Variants in APP observed in about 807,000 individuals in gnomAD.
APP encodes the protein amyloid-beta precursor protein.
APP carries 31 observed loss-of-function variants against 101.4 expected under a neutral mutation model. That is an observed-to-expected ratio of 0.31 (90% CI 0.23 to 0.41). The LOEUF (loss-of-function observed/expected upper bound fraction) is 0.41. Ranked by LOEUF, APP falls within the 10% of genes least tolerant of loss-of-function variation. APP has a pLI of 1.00. For missense variants in APP, 839 were observed against 1,003.7 expected (o/e 0.84, Z 2.22); for synonymous variants, 366 against 364.4 (o/e 1.00, Z -0.05).
chr21:26,122,563 C>T (rs527563350), intron 1 of APP, among the ~76,000 whole-genome samples: 1 of 152,034 alleles, frequency 6.6e-6, no homozygotes, highest in South Asian at 2.1e-4. Flanking sequence ...CAGTTCAGAG[C>T]ATTTTTCAAG....
intron 8 of APP, among the ~76,000 whole-genome samples, chr21:25,995,944 G>GT (rs147826650): frequency 0.15 from 21,653 of 145,060 alleles, 1,648 homozygotes; most frequent in East Asian, 0.28. Context: ...TGAGATGAGG[G>GT]TTTTTTTTTT....
At chr21:26,072,353 A>G (rs1180207169) in intron 3 of APP, among the ~76,000 whole-genome samples, 6 of 152,142 alleles carry the variant, frequency 3.9e-5, no homozygotes, top group Non-Finnish European at 8.8e-5. Flanking sequence ...ATTATTTCAC[A>G]TTCTCTTCTT....
At chr21:26,091,943 A>G (rs1488391569) in intron 2 of APP, among the ~76,000 whole-genome samples, 3 of 152,178 alleles carry the variant, frequency 2.0e-5, no homozygotes, top group African/African-American at 7.2e-5. Context: ...TAGACGATAC[A>G]CGGAATTTCA....
At chr21:26,107,783 T>C (rs188749661) in intron 2 of APP, among the ~76,000 whole-genome samples, 3 of 152,304 alleles carry the variant, frequency 2.0e-5, no homozygotes, top group Admixed American at 2.0e-4. Context: ...ACCATGTAGT[T>C]TTTAGATTGC....
At chr21:26,170,407 G>C (rs1043521072) in intron 1 of APP, among the ~76,000 whole-genome samples, 157 bp downstream of exon 1, 1 of 152,168 alleles carries the variant, frequency 6.6e-6, no homozygotes, top group Non-Finnish European at 1.5e-5. Context: ...GGCCGAAAGC[G>C]GGGATGCGCT....
intron 3 of APP, among the ~76,000 whole-genome samples, chr21:26,082,086 G>T (rs1030765997): frequency 4.7e-4 from 71 of 152,250 alleles, no homozygotes; most frequent in African/African-American, 1.6e-3. Flanking sequence ...GGGCGTGGTG[G>T]CGGGTGCCAG....
chr21:25,898,207 T>TA (rs1412989735), intron 15 of APP, among the ~76,000 whole-genome samples: 2 of 152,214 alleles, frequency 1.3e-5, no homozygotes, highest in African/African-American at 4.8e-5. Context: ...TATATAATTT[T>TA]AGTCAAGTGT....
At chr21:26,019,144 T>C (rs2830008) in intron 6 of APP, among the ~76,000 whole-genome samples, 31,625 of 152,214 alleles carry the variant, frequency 0.21, 3,413 homozygotes, top group South Asian at 0.27. Context: ...AATCTCTTTA[T>C]TGTCTCCTGG....
At chr21:26,030,446 A>G (rs1004861868) in intron 5 of APP, among the ~76,000 whole-genome samples, 3 of 152,238 alleles carry the variant, frequency 2.0e-5, no homozygotes, top group African/African-American at 7.2e-5. Flanking sequence ...TTAGAGACAT[A>G]TACTGACATC....
At chr21:26,046,201 A>T (rs2045602310) in intron 5 of APP, among the ~76,000 whole-genome samples, 1 of 151,856 alleles carries the variant, frequency 6.6e-6, no homozygotes, top group Non-Finnish European at 1.5e-5. Context: ...CAAACCAGAG[A>T]GTAACATTAA....
chr21:25,969,196 AC>A (rs1337590436), intron 11 of APP, among the ~76,000 whole-genome samples: 4 of 151,026 alleles, frequency 2.6e-5, no homozygotes, highest in Non-Finnish European at 3.0e-5. Context: ...AAAAAAAAAA[AC>A]ATTAGCCAGG....
At position 26,013,699 on chromosome 21, in the gene APP, T is replaced by C. The variant is rs184840167; in HGVS notation, c.865+8141A>G. Reference sequence around the variant, plus strand: ...TCTCACTATGTTGCCCAGGCTGGTGTCAAATGTGTATCTTTGTGAATATAC... The same window carrying C: ...TCTCACTATGTTGCCCAGGCTGGTGCCAAATGTGTATCTTTGTGAATATAC... On this transcript the variant is annotated intron_variant, in intron 6 of 17. Coordinates refer to ENST00000346798, the MANE Select transcript of APP (RefSeq NM_000484.4). Among the ~76,000 whole-genome samples the C allele has an allele frequency of 2.8e-3, 424 of 152,282 alleles. 2 individuals carry two copies. Among genetic ancestry groups the C allele is most frequent in the African/African-American group, 9.5e-3 (394 of 41,562 alleles).
intron 11 of APP, among the ~76,000 whole-genome samples, chr21:25,969,905 A>AGGGGAGGGGAGGGGAGGGGAAGGGAGGG (rs1555831818): frequency 1.3e-5 from 1 of 79,442 alleles, no homozygotes; most frequent in African/African-American, 5.4e-5. Flanking sequence ...AGAGAAGAGA[A>AGGGGAGGGGAGGGGAGGGGAAGGGAGGG]GAGGGGAGGG....
At chr21:25,976,310 G>A (rs529192814) in intron 9 of APP, among the ~76,000 whole-genome samples, 1 of 148,808 alleles carries the variant, frequency 6.7e-6, no homozygotes, top group Admixed American at 6.6e-5. Context: ...ACAGTCATTT[G>A]ATTTGATGTG....
At chr21:25,996,893 G>C (rs532620729) in intron 8 of APP, among the ~76,000 whole-genome samples, 1 of 152,146 alleles carries the variant, frequency 6.6e-6, no homozygotes, top group Non-Finnish European at 1.5e-5. Flanking sequence ...TCCAAAATTT[G>C]AGATGGTTGC....
At chr21:26,069,202 A>G (rs1242060337) in intron 3 of APP, among the ~76,000 whole-genome samples, 1 of 152,154 alleles carries the variant, frequency 6.6e-6, no homozygotes, top group Non-Finnish European at 1.5e-5. Context: ...CACTTTCTCA[A>G]TAGATACTTA....
chr21:26,021,568 T>C (rs1450218245), intron 6 of APP, among the ~76,000 whole-genome samples: 2 of 152,148 alleles, frequency 1.3e-5, no homozygotes, highest in South Asian at 4.1e-4. Flanking sequence ...ATTAGATGAC[T>C]ACCTGGTTGG....
At chr21:25,979,760 A>G (rs1285610292) in intron 9 of APP, among the ~76,000 whole-genome samples, 1 of 146,464 alleles carries the variant, frequency 6.8e-6, no homozygotes, top group Non-Finnish European at 1.5e-5. Context: ...AATAAGGTCA[A>G]AAATGAACAA....
At chr21:26,109,971 GCA>G (rs1276057887) in intron 2 of APP, among the ~76,000 whole-genome samples, 1 of 152,138 alleles carries the variant, frequency 6.6e-6, no homozygotes, top group Non-Finnish European at 1.5e-5. Flanking sequence ...ATATAAGTAT[GCA>G]CAGAGTTCTG....
Sources: gnomAD v4.1 joint callset for allele counts (sites outside exome capture counted in the v4.1 genomes callset) on GRCh38, gnomAD v4.1.1 for gene constraint, MANE v1.5 for transcripts, NCBI Gene and HGNC (gene_info 2026-07-23, HGNC 2026-07-21) for gene names.